Variants in MAF observed in about 807,000 individuals in gnomAD.
The protein encoded by MAF is transcription factor Maf.
MAF carries 10 observed loss-of-function variants against 22.0 expected under a neutral mutation model. The observed-to-expected ratio is 0.45, with a 90% CI of 0.28 to 0.77. The LOEUF (loss-of-function observed/expected upper bound fraction) is 0.77, where lower values mean the gene tolerates loss of function less well. Among genes scored for constraint, MAF ranks in the 30% least tolerant of loss-of-function variants. The probability of loss-of-function intolerance (pLI) is 0.12; values close to 1 mark genes in which losing one functional copy is unlikely to be tolerated. For synonymous variants in MAF, 337 were observed against 255.8 expected (o/e 1.32, Z -3.03); for missense variants, 544 against 548.4 (o/e 0.99, Z 0.08).
the MAF span, among the ~76,000 whole-genome samples, chr16:79,225,323 A>T: frequency 1.3e-5 from 2 of 152,220 alleles, no homozygotes; most frequent in South Asian, 4.1e-4. Flanking sequence ...AGAAAACAGA[A>T]ACTGGAACCC....
chr16:79,500,159 A>G, the MAF span, among the ~76,000 whole-genome samples: 1 of 152,232 alleles, frequency 6.6e-6, no homozygotes, highest in East Asian at 1.9e-4. Context: ...GGACTTTGAG[A>G]GAATAAATTA....
At chr16:79,403,237 G>C in the MAF span, among the ~76,000 whole-genome samples, 2 of 152,172 alleles carry the variant, frequency 1.3e-5, no homozygotes, top group Non-Finnish European at 2.9e-5. Flanking sequence ...CCCATCAAAA[G>C]CAAAGACTCT....
the MAF span, among the ~76,000 whole-genome samples, chr16:79,301,837 C>A: frequency 1.3e-5 from 2 of 152,180 alleles, no homozygotes; most frequent in African/African-American, 4.8e-5. Flanking sequence ...CCCATAATGA[C>A]CCTGTGAAAT....
chr16:79,408,124 G>GT, the MAF span, among the ~76,000 whole-genome samples: 1 of 151,282 alleles, frequency 6.6e-6, no homozygotes, highest in Non-Finnish European at 1.5e-5. Context: ...TGGAGGGATG[G>GT]TTAAAAGCAT....
chr16:79,396,556 G>A, the MAF span, among the ~76,000 whole-genome samples: 1 of 152,206 alleles, frequency 6.6e-6, no homozygotes, highest in Non-Finnish European at 1.5e-5. Flanking sequence ...GTTCTAGAAT[G>A]TTCTGATTCA....
At chr16:79,464,519 T>C in the MAF span, among the ~76,000 whole-genome samples, 5 of 152,190 alleles carry the variant, frequency 3.3e-5, no homozygotes, top group African/African-American at 9.6e-5. Flanking sequence ...GATTTTTAAA[T>C]GTCAGTAAGG....
At chr16:79,345,625 G>C in the MAF span, among the ~76,000 whole-genome samples, 11 of 150,538 alleles carry the variant, frequency 7.3e-5, no homozygotes, top group East Asian at 2.2e-3. Flanking sequence ...CTACTCAGGA[G>C]GCTGAGGCAG....
At chr16:79,231,580 T>C in the MAF span, among the ~76,000 whole-genome samples, 1 of 152,034 alleles carries the variant, frequency 6.6e-6, no homozygotes, top group African/African-American at 2.4e-5. Flanking sequence ...TGCCTATCTA[T>C]CTATTGTTCC....
chr16:79,438,289 T>G, the MAF span, among the ~76,000 whole-genome samples: 4 of 152,328 alleles, frequency 2.6e-5, no homozygotes, highest in Non-Finnish European at 5.9e-5. Context: ...AACTCAGCAG[T>G]GTCAGCCCTG....
chr16:79,555,343 A>C, the MAF span, among the ~76,000 whole-genome samples: 2 of 152,202 alleles, frequency 1.3e-5, no homozygotes, highest in Non-Finnish European at 2.9e-5. Flanking sequence ...TACAGTTTGA[A>C]GTGTCAGGAA....
At chr16:79,596,610 C>A (rs894143892) in intron 1 of MAF, 5 of 1,040,456 alleles carry the variant, frequency 4.8e-6, no homozygotes, top group Non-Finnish European at 5.8e-6. Context: ...CAATTTTGCA[C>A]AGCAAAATAT....
the MAF span, among the ~76,000 whole-genome samples, chr16:79,268,088 A>C: frequency 6.6e-6 from 1 of 151,902 alleles, no homozygotes; most frequent in South Asian, 2.1e-4. Context: ...TACTGTTTTG[A>C]CCCACACAAT....
chr16:79,283,187 T>C, the MAF span, among the ~76,000 whole-genome samples: 1 of 152,136 alleles, frequency 6.6e-6, no homozygotes, highest in South Asian at 2.1e-4. Flanking sequence ...GACGGATGAA[T>C]GGATGGATGG....
chr16:79,347,390 G>C, the MAF span, among the ~76,000 whole-genome samples: 2 of 152,152 alleles, frequency 1.3e-5, no homozygotes, highest in Admixed American at 6.5e-5. Flanking sequence ...CAGGAGTCTC[G>C]GTCATACCAT....
At chr16:79,352,019 C>T in the MAF span, among the ~76,000 whole-genome samples, 6 of 152,150 alleles carry the variant, frequency 3.9e-5, no homozygotes, top group East Asian at 1.9e-4. Flanking sequence ...TCTTTTTGGC[C>T]CTGGTTCTTG....
At chr16:79,534,493 T>G in the MAF span, among the ~76,000 whole-genome samples, 18 of 151,120 alleles carry the variant, frequency 1.2e-4, no homozygotes, top group South Asian at 8.4e-4. Context: ...ACATGCGATA[T>G]CCTTTTATCC....
At chr16:79,336,732 T>C in the MAF span, among the ~76,000 whole-genome samples, 1 of 152,218 alleles carries the variant, frequency 6.6e-6, no homozygotes, top group Non-Finnish European at 1.5e-5. Flanking sequence ...GACTTTTTAC[T>C]TGGGCACATG....
the MAF span, among the ~76,000 whole-genome samples, chr16:79,410,385 A>C: frequency 6.6e-6 from 1 of 152,248 alleles, no homozygotes; most frequent in Non-Finnish European, 1.5e-5. Context: ...ACATGCCATT[A>C]GTGGCCATCA....
At chr16:79,386,759 G>C in the MAF span, among the ~76,000 whole-genome samples, 2 of 152,276 alleles carry the variant, frequency 1.3e-5, no homozygotes, top group Admixed American at 6.5e-5. Context: ...CTGAGAAGGT[G>C]CTAGATGGTG....
Sources: allele counts gnomAD v4.1 joint callset (sites outside exome capture counted in the v4.1 genomes callset), GRCh38; gene constraint gnomAD v4.1.1; transcripts MANE v1.5; gene names NCBI Gene and HGNC (gene_info 2026-07-23, HGNC 2026-07-21).